Variants in EPHA6 observed in about 807,000 individuals in gnomAD.
EPHA6 encodes the protein ephrin type-A receptor 6.
EPHA6 carries 50 observed loss-of-function variants against 112.0 expected under a neutral mutation model. The observed-to-expected ratio is 0.45, with a 90% CI of 0.36 to 0.56. The LOEUF (loss-of-function observed/expected upper bound fraction) is 0.56, where lower values mean the gene tolerates loss of function less well. Ranked by LOEUF, EPHA6 falls within the 20% of genes least tolerant of loss-of-function variation. The probability of loss-of-function intolerance (pLI) is 0.00; values close to 1 mark genes in which losing one functional copy is unlikely to be tolerated. For missense variants in EPHA6, 1,280 were observed against 1,417.4 expected (o/e 0.90, Z 1.56); for synonymous variants, 529 against 490.7 (o/e 1.08, Z -1.03).
chr3:97,085,829 G>C (rs2046875501), intron 3 of EPHA6, among the ~76,000 whole-genome samples: 1 of 151,258 alleles, frequency 6.6e-6, no homozygotes, highest in Admixed American at 6.6e-5. Context: ...TAATACCTGA[G>C]TATATTTTTC....
At chr3:97,718,017 C>T (rs2107786501) in intron 14 of EPHA6, among the ~76,000 whole-genome samples, 1 of 152,314 alleles carries the variant, frequency 6.6e-6, no homozygotes, top group Middle Eastern at 3.4e-3. Context: ...CACACTCTTA[C>T]ATATTGTTTT....
intron 3 of EPHA6, among the ~76,000 whole-genome samples, chr3:97,144,947 TTA>T (rs1339702751): frequency 6.6e-6 from 1 of 151,568 alleles, no homozygotes; most frequent in Non-Finnish European, 1.5e-5. Flanking sequence ...TGCCTTTTTC[TTA>T]TGTGAAATCC....
At chr3:96,844,697 G>T (rs2034966276) in intron 1 of EPHA6, among the ~76,000 whole-genome samples, 1 of 151,974 alleles carries the variant, frequency 6.6e-6, no homozygotes, top group Non-Finnish European at 1.5e-5. Context: ...GTAATCAATG[G>T]TTGGGTATAC....
intron 15 of EPHA6, among the ~76,000 whole-genome samples, chr3:97,732,287 C>T (rs2035070874): frequency 6.6e-6 from 1 of 151,332 alleles, no homozygotes; most frequent in South Asian, 2.1e-4. Context: ...TGGCCCTGCA[C>T]CCTTTCACAT....
intron 5 of EPHA6, among the ~76,000 whole-genome samples, chr3:97,267,215 A>G (rs1243404822): frequency 6.6e-6 from 1 of 152,024 alleles, no homozygotes; most frequent in Non-Finnish European, 1.5e-5. Flanking sequence ...CAAACCTAGT[A>G]TGTTTTCTCT....
At chr3:96,884,769 G>A (rs2037526097) in intron 2 of EPHA6, among the ~76,000 whole-genome samples, 1 of 152,154 alleles carries the variant, frequency 6.6e-6, no homozygotes. Flanking sequence ...TGTTGAAGAG[G>A]AGTGGTGAGA....
At chr3:96,870,730 A>G (rs1431068950) in intron 2 of EPHA6, among the ~76,000 whole-genome samples, 2 of 152,124 alleles carry the variant, frequency 1.3e-5, no homozygotes, top group African/African-American at 4.8e-5. Flanking sequence ...CAGAGATTAC[A>G]ATCAACCTCT....
At chr3:97,177,650 T>C (rs1226702407) in intron 3 of EPHA6, among the ~76,000 whole-genome samples, 1 of 152,002 alleles carries the variant, frequency 6.6e-6, no homozygotes, top group African/African-American at 2.4e-5. Flanking sequence ...GGTTCATATA[T>C]ATTTACAATT....
At chr3:97,134,351 G>C (rs2075716226) in intron 3 of EPHA6, among the ~76,000 whole-genome samples, 1 of 152,050 alleles carries the variant, frequency 6.6e-6, no homozygotes, top group Non-Finnish European at 1.5e-5. Flanking sequence ...CATACAGGGA[G>C]CCTTTAAAAA....
intron 2 of EPHA6, among the ~76,000 whole-genome samples, chr3:96,929,199 G>T (rs1277516008): frequency 2.0e-5 from 3 of 152,164 alleles, no homozygotes; most frequent in African/African-American, 7.2e-5. Context: ...CAGCCATTCT[G>T]TGTCTTTTAA....
chr3:97,304,725 G>A (rs557523345), intron 5 of EPHA6, among the ~76,000 whole-genome samples: 15 of 151,790 alleles, frequency 9.9e-5, no homozygotes, highest in South Asian at 8.3e-4. Context: ...CCTTCCTTAC[G>A]CCTTATACAA....
chr3:97,228,993 A>G (rs550236985), intron 4 of EPHA6, among the ~76,000 whole-genome samples: 161 of 152,114 alleles, frequency 1.1e-3, no homozygotes, highest in African/African-American at 3.7e-3. Flanking sequence ...ATTTTTTCAT[A>G]TGTCTGTTGG....
intron 3 of EPHA6, among the ~76,000 whole-genome samples, chr3:97,091,358 A>G (rs1305814305): frequency 6.6e-6 from 1 of 152,142 alleles, no homozygotes; most frequent in Non-Finnish European, 1.5e-5. Flanking sequence ...ATAAAAACAA[A>G]AATATCTGGA....
chr3:97,675,320 A>C (rs1049667507), intron 14 of EPHA6, among the ~76,000 whole-genome samples: 2 of 152,014 alleles, frequency 1.3e-5, no homozygotes, highest in African/African-American at 4.8e-5. Context: ...GTCTACTAAA[A>C]ATACAAAAAA....
chr3:97,176,763 A>G (rs1053061240), intron 3 of EPHA6, among the ~76,000 whole-genome samples: 1 of 151,362 alleles, frequency 6.6e-6, no homozygotes, highest in Non-Finnish European at 1.5e-5. Context: ...TTCTGATTTC[A>G]TTTATTTGGA....
intron 6 of EPHA6, among the ~76,000 whole-genome samples, chr3:97,438,842 A>T (rs2089988919): frequency 6.6e-6 from 1 of 152,126 alleles, no homozygotes; most frequent in Non-Finnish European, 1.5e-5. Flanking sequence ...AACAAGCTTG[A>T]CCCTTTGATA....
chr3:97,341,748 G>C (rs2083315700), intron 5 of EPHA6, among the ~76,000 whole-genome samples: 1 of 152,086 alleles, frequency 6.6e-6, no homozygotes, highest in Non-Finnish European at 1.5e-5. Flanking sequence ...ACTTTGGCTT[G>C]CTTTGGTGAT....
intron 10 of EPHA6, among the ~76,000 whole-genome samples, chr3:97,524,466 A>C (rs1307588952): frequency 1.3e-5 from 2 of 152,066 alleles, no homozygotes; most frequent in African/African-American, 4.8e-5. Flanking sequence ...ATAATTGTTT[A>C]AATACATTTG....
At chr3:97,302,334 T>C (rs915885314) in intron 5 of EPHA6, among the ~76,000 whole-genome samples, 2 of 151,940 alleles carry the variant, frequency 1.3e-5, no homozygotes, top group African/African-American at 4.8e-5. Flanking sequence ...AATGAACTGC[T>C]CTTGTCATAA....
Sources: gnomAD v4.1 joint callset for allele counts (sites outside exome capture counted in the v4.1 genomes callset) on GRCh38, gnomAD v4.1.1 for gene constraint, MANE v1.5 for transcripts, NCBI Gene and HGNC (gene_info 2026-07-23, HGNC 2026-07-21) for gene names.